The following RGMA variants were observed in gnomAD, a reference collection of about 807,000 sequenced individuals.
The protein encoded by RGMA is repulsive guidance molecule A.
A neutral mutation model predicts 23.2 loss-of-function variants in RGMA; 10 were observed. The observed-to-expected ratio is 0.43, with a 90% confidence interval of 0.27 to 0.73. The LOEUF is 0.73. Among genes scored for constraint, RGMA ranks in the 30% least tolerant of loss-of-function variants. RGMA has a pLI of 0.20. For missense variants in RGMA, 547 were observed against 630.5 expected (o/e 0.87, Z 1.42); for synonymous variants, 308 against 279.3 (o/e 1.10, Z -1.03).
intron 2 of RGMA, among the ~76,000 whole-genome samples, chr15:93,070,644 C>A (rs1031744267): frequency 1.1e-4 from 16 of 152,276 alleles, no homozygotes; most frequent in Admixed American, 3.3e-4. Context: ...TTTGGAGCCC[C>A]CAGTATATTT....
intron 1 of RGMA, among the ~76,000 whole-genome samples, chr15:93,075,934 G>C (rs1263639316): frequency 2.0e-5 from 3 of 152,222 alleles, no homozygotes; most frequent in Non-Finnish European, 4.4e-5. Flanking sequence ...GCCCCAGCTA[G>C]AGCAGTATGG....
At chr15:93,059,228 A>T (rs538900914) in intron 2 of RGMA, among the ~76,000 whole-genome samples, 1 of 152,190 alleles carries the variant, frequency 6.6e-6, no homozygotes, top group African/African-American at 2.4e-5. Context: ...AAGGCCCAAA[A>T]GCATGATGCG....
chr15:93,080,763 C>T (rs1895546429), intron 1 of RGMA, among the ~76,000 whole-genome samples: 1 of 151,968 alleles, frequency 6.6e-6, no homozygotes, highest in South Asian at 2.1e-4. Flanking sequence ...CCTTCTTTCA[C>T]ACCTGTCCTT....
intron 1 of RGMA, chr15:93,073,740 G>A (rs1203747242): frequency 6.5e-7 from 1 of 1,537,192 alleles, no homozygotes; most frequent in Non-Finnish European, 8.7e-7. Flanking sequence ...CGCCCGTCGT[G>A]GCCCCAGGCC....
rs1399066489 is a variant in RGMA at position 93,040,985 on chromosome 15, C to T, written c.*4013G>A. 1 of 152,186 alleles carries T rather than the reference C, an allele frequency of 6.6e-6. No individual in the cohort carries two copies. Among genetic ancestry groups the T allele is most frequent in the Non-Finnish European group, 1.5e-5 (1 of 68,046 alleles). 9.4% of individuals were successfully genotyped at this position (152,186 alleles called of 1,614,324 possible). On this transcript the variant is annotated 3_prime_UTR_variant, in exon 4 of 4. Transcript: ENST00000329082. Reference sequence around the variant, plus strand: ...AAAAAATCCCAAGGAGACCACACAGCTCGCGACGGGTTGAGCCAGTTTTGA... The same window carrying T: ...AAAAAATCCCAAGGAGACCACACAGTTCGCGACGGGTTGAGCCAGTTTTGA...
chr15:93,065,311 C>G (rs1278793264), intron 2 of RGMA, among the ~76,000 whole-genome samples: 10 of 150,948 alleles, frequency 6.6e-5, no homozygotes, highest in African/African-American at 2.4e-4. Context: ...AGGTTGAGAG[C>G]TGGCTGGTTC....
intron 1 of RGMA, among the ~76,000 whole-genome samples, chr15:93,076,153 C>CGA (rs961243763): frequency 6.6e-6 from 1 of 152,190 alleles, no homozygotes; most frequent in African/African-American, 2.4e-5. Context: ...TGTGGTGTCC[C>CGA]CTAGGCTACA....
Position 93,039,452 on chromosome 15 carries a change from T to A in RGMA, c.*5546A>T, listed in dbSNP as rs1027107263. On this transcript the variant is annotated 3_prime_UTR_variant, in exon 4 of 4. Transcript: ENST00000329082. ...TACACGTGCAGAACGCACAAGTTTG[T>A]TACATAGGTATACACGTGCCATGGT... The A allele has an allele frequency of 6.6e-6, 1 of 152,214 alleles. No individual in the cohort carries two copies. The highest frequency in any genetic ancestry group is 6.5e-5 in the Admixed American group (1 of 15,282). The allele number at this position is 152,214 out of a possible 1,614,324, so 9.4% of individuals were successfully genotyped here.
chr15:93,046,407 CCCA>C (rs759425134), intron 3 of RGMA, among the ~76,000 whole-genome samples: 4 of 152,094 alleles, frequency 2.6e-5, no homozygotes, highest in Non-Finnish European at 4.4e-5. Flanking sequence ...TGATTTTATC[CCCA>C]CGAGACATAT....
intron 3 of RGMA, among the ~76,000 whole-genome samples, chr15:93,049,586 T>C (rs2054884681): frequency 6.6e-6 from 1 of 152,174 alleles, no homozygotes. Context: ...ACAGAGGGAT[T>C]GGCTGATTGG....
chr15:93,051,399 C>G (rs2054916668), intron 3 of RGMA, among the ~76,000 whole-genome samples: 1 of 152,254 alleles, frequency 6.6e-6, no homozygotes, highest in Non-Finnish European at 1.5e-5. Context: ...TCCCCATCGC[C>G]TGAACTGGGA....
chr15:93,083,498 T>C (rs1895591115), intron 1 of RGMA, among the ~76,000 whole-genome samples: 1 of 152,086 alleles, frequency 6.6e-6, no homozygotes, highest in South Asian at 2.1e-4. Context: ...CGGCTAATTT[T>C]TGTATTTTTT....
chr15:93,055,777 C>T (rs779206934), intron 2 of RGMA, among the ~76,000 whole-genome samples: 7 of 152,210 alleles, frequency 4.6e-5, no homozygotes, highest in South Asian at 2.1e-4. Context: ...AGGGGCTCGA[C>T]GGCAGGGTCA....
intron 2 of RGMA, among the ~76,000 whole-genome samples, chr15:93,056,126 T>A (rs12916567): frequency 1.3e-5 from 2 of 152,138 alleles, no homozygotes; most frequent in African/African-American, 4.8e-5. Context: ...GAGAGGCCCA[T>A]GCTGCTGGTC....
intron 1 of RGMA, chr15:93,073,848 C>T: frequency 6.7e-7 from 1 of 1,503,140 alleles, no homozygotes; most frequent in South Asian, 1.3e-5. Context: ...TGCTGAGGGC[C>T]TGCGGGCCTA....
chr15:93,052,272 C>T lies in RGMA; in HGVS notation c.366G>A (p.Ser122=), dbSNP rs373906110. The part of the protein sequence containing the change: ...QHNCSKDGPT[S]QPRLRTLPPA... ...GTGGGAGCGTGCGCAGGCGTGGCTGCGAGGTGGGGCCATCCTTGGAGCAGT... is the reference window on the plus strand; with the variant it reads ...GTGGGAGCGTGCGCAGGCGTGGCTGTGAGGTGGGGCCATCCTTGGAGCAGT... The change falls in exon 3 of 4, where the codon TCG becomes TCA. Residue 122 remains serine (S), a synonymous_variant. Coordinates refer to ENST00000329082, the MANE Select transcript of RGMA (RefSeq NM_020211.3). 30 of 1,602,696 alleles carry T rather than the reference C, an allele frequency of 1.9e-5. No individual in the cohort carries two copies. Among genetic ancestry groups the T allele is most frequent in the Middle Eastern group, 1.7e-4 (1 of 6,040 alleles).
At chr15:93,073,825 G>A (rs749528151) in intron 1 of RGMA, 24 of 1,521,214 alleles carry the variant, frequency 1.6e-5, no homozygotes, top group Admixed American at 6.0e-5. Flanking sequence ...GACTTGCCCC[G>A]GCTGCGCCCC....
intron 2 of RGMA, among the ~76,000 whole-genome samples, chr15:93,058,725 C>T (rs1248470268): frequency 6.6e-6 from 1 of 152,120 alleles, no homozygotes; most frequent in African/African-American, 2.4e-5. Context: ...AACCACAGCC[C>T]TCAGCCCCCA....
chr15:93,056,843 T>C (rs750965928), intron 2 of RGMA, among the ~76,000 whole-genome samples: 4 of 152,138 alleles, frequency 2.6e-5, no homozygotes, highest in Non-Finnish European at 4.4e-5. Flanking sequence ...TATGAGGAGA[T>C]GTACATGGCG....
Sources: gnomAD v4.1 joint callset for allele counts (sites outside exome capture counted in the v4.1 genomes callset) on GRCh38, gnomAD v4.1.1 for gene constraint, MANE v1.5 for transcripts, NCBI Gene and HGNC (gene_info 2026-07-23, HGNC 2026-07-21) for gene names.